The following IRAK2 variants were observed in gnomAD, a reference collection of about 807,000 sequenced individuals.
IRAK2 encodes the protein interleukin-1 receptor-associated kinase-like 2.
A neutral mutation model predicts 72.0 loss-of-function variants in IRAK2; 57 were observed. That is an observed-to-expected ratio of 0.79 (90% CI 0.64 to 0.99). The LOEUF (loss-of-function observed/expected upper bound fraction) is 0.99. IRAK2 is among the 50% of genes least tolerant of loss of function. IRAK2 has a pLI of 0.00. For missense variants in IRAK2, 790 were observed against 794.4 expected (o/e 0.99, Z 0.07); for synonymous variants, 293 against 312.7 (o/e 0.94, Z 0.67).
intron 9 of IRAK2, among the ~76,000 whole-genome samples, chr3:10,225,935 G>A (rs1490867573): frequency 3.3e-5 from 5 of 152,120 alleles, no homozygotes; most frequent in Admixed American, 1.3e-4. Flanking sequence ...TCCTGACCAC[G>A]TGATCCGCCC....
At chr3:10,214,359 G>A (rs1280103069) in intron 6 of IRAK2, among the ~76,000 whole-genome samples, 1 of 151,260 alleles carries the variant, frequency 6.6e-6, no homozygotes, top group Non-Finnish European at 1.5e-5. Context: ...TGAGAAGCTG[G>A]GACTACAGGT....
chr3:10,238,571 C>T (rs542068625), intron 11 of IRAK2, among the ~76,000 whole-genome samples, 177 bp from the exon 12 acceptor site: 4 of 152,084 alleles, frequency 2.6e-5, no homozygotes, highest in South Asian at 2.1e-4. Context: ...TATGACAGGG[C>T]GGTTGGTGGG....
At chr3:10,188,652 G>A (rs1258572097) in intron 2 of IRAK2, among the ~76,000 whole-genome samples, 5 of 152,168 alleles carry the variant, frequency 3.3e-5, no homozygotes, top group South Asian at 2.1e-4. Context: ...TGAGCCTCCC[G>A]AGTAGCTGGG....
chr3:10,222,995 T>C (rs1697720683), intron 9 of IRAK2, among the ~76,000 whole-genome samples, 164 bp downstream of exon 9: 1 of 152,194 alleles, frequency 6.6e-6, no homozygotes. Flanking sequence ...CTGTGGCGTA[T>C]TTTGTATGGT....
At chr3:10,166,088 CA>C (rs1184527696) in intron 1 of IRAK2, among the ~76,000 whole-genome samples, 1 of 152,212 alleles carries the variant, frequency 6.6e-6, no homozygotes, top group Non-Finnish European at 1.5e-5. Flanking sequence ...GCTGGGATTA[CA>C]GGCGTGAGCC....
chr3:10,196,898 G>C (rs1242403165), intron 2 of IRAK2, among the ~76,000 whole-genome samples: 4 of 152,160 alleles, frequency 2.6e-5, no homozygotes, highest in Admixed American at 2.6e-4. Context: ...CTGCTCACTG[G>C]AGCCAGAGGG....
chr3:10,194,331 C>T (rs980930087), intron 2 of IRAK2, among the ~76,000 whole-genome samples: 2 of 152,202 alleles, frequency 1.3e-5, no homozygotes, highest in African/African-American at 2.4e-5. Flanking sequence ...CATGATCCTG[C>T]AGAATCAACT....
chr3:10,209,041 T>C (rs527689320), intron 3 of IRAK2, among the ~76,000 whole-genome samples: 19 of 152,030 alleles, frequency 1.2e-4, no homozygotes, highest in Non-Finnish European at 2.6e-4. Flanking sequence ...TTCTCCATAT[T>C]TCAAGCCCAG....
intron 11 of IRAK2, among the ~76,000 whole-genome samples, chr3:10,235,229 G>A (rs897762789): frequency 6.6e-6 from 1 of 152,180 alleles, no homozygotes; most frequent in African/African-American, 2.4e-5. Context: ...CCACTACACG[G>A]GGTAAGAGAT....
chr3:10,203,073 T>G lies in IRAK2; in HGVS notation c.424+2558T>G, dbSNP rs551160469. Among the ~76,000 whole-genome samples, 4 of 152,250 alleles carry G rather than the reference T, an allele frequency of 2.6e-5. No homozygotes were observed. In the East Asian group the frequency reaches 7.7e-4, roughly 29 times the overall value. On this transcript the variant is annotated intron_variant, in intron 3 of 12. Coordinates refer to ENST00000256458, the MANE Select transcript of IRAK2 (RefSeq NM_001570.4). ...GTGCAGTGGCACAATCTCGGCTCAT[T>G]GCAACCTTTGCCTCCCGGGTTCAAG... is the stretch of plus-strand genomic sequence containing the variant.
chr3:10,192,061 T>C (rs1280861358), intron 2 of IRAK2, among the ~76,000 whole-genome samples: 3 of 131,860 alleles, frequency 2.3e-5, no homozygotes, highest in African/African-American at 9.8e-5. Context: ...TGTGTGTGTG[T>C]TGTGTGTTGT....
At chr3:10,168,819 G>A (rs542629594) in intron 1 of IRAK2, among the ~76,000 whole-genome samples, 15 of 152,242 alleles carry the variant, frequency 9.9e-5, no homozygotes, top group African/African-American at 3.6e-4. Context: ...CCAGACACAG[G>A]GTCTTTGCAG....
chr3:10,240,539 C>CA, intron 12 of IRAK2, among the ~76,000 whole-genome samples: 1 of 14,012 alleles, frequency 7.1e-5, no homozygotes, highest in South Asian at 7.2e-3. Flanking sequence ...ATTAGGAAGC[C>CA]CCCCCCCCCC....
intron 2 of IRAK2, among the ~76,000 whole-genome samples, chr3:10,188,200 G>A (rs1575962384): frequency 6.6e-6 from 1 of 152,222 alleles, no homozygotes; most frequent in Non-Finnish European, 1.5e-5. Flanking sequence ...ATGGTGGGGA[G>A]CAGATGGCTC....
At chr3:10,185,799 C>CT (rs1473804420) in intron 2 of IRAK2, among the ~76,000 whole-genome samples, 2 of 151,510 alleles carry the variant, frequency 1.3e-5, no homozygotes, top group African/African-American at 4.9e-5. Flanking sequence ...TTGCTTGAAC[C>CT]TGGGAGGTGG....
At chr3:10,212,810 G>A (rs1056582209) in intron 4 of IRAK2, among the ~76,000 whole-genome samples, 8 of 147,232 alleles carry the variant, frequency 5.4e-5, no homozygotes, top group African/African-American at 2.0e-4. Flanking sequence ...TGTCACCCAG[G>A]CTGGAGTGCA....
At chr3:10,227,201 T>C (rs1697792905) in intron 10 of IRAK2, among the ~76,000 whole-genome samples, 2 of 152,054 alleles carry the variant, frequency 1.3e-5, no homozygotes, top group Admixed American at 6.6e-5. Flanking sequence ...ATCCCAGCAC[T>C]TTGGAGGAGG....
chr3:10,235,444 T>G (rs1575991721), intron 11 of IRAK2, among the ~76,000 whole-genome samples: 1 of 152,066 alleles, frequency 6.6e-6, no homozygotes, highest in African/African-American at 2.4e-5. Context: ...ATTACAGGCA[T>G]CAGCCGCTCT....
chr3:10,168,213 TA>T (rs1387360065), intron 1 of IRAK2, among the ~76,000 whole-genome samples: 1 of 134,760 alleles, frequency 7.4e-6, no homozygotes, highest in Non-Finnish European at 1.6e-5. Flanking sequence ...TTTCTTTTTT[TA>T]ATTTTTTTTT....
Sources: gnomAD v4.1 joint callset for allele counts (sites outside exome capture counted in the v4.1 genomes callset) on GRCh38, gnomAD v4.1.1 for gene constraint, MANE v1.5 for transcripts, NCBI Gene and HGNC (gene_info 2026-07-23, HGNC 2026-07-21) for gene names.